Variants in SAMD4A observed in about 807,000 individuals in gnomAD.
SAMD4A encodes sterile alpha motif domain containing 4A.
SAMD4A carries 33 observed loss-of-function variants against 81.3 expected under a neutral mutation model. That is an observed-to-expected ratio of 0.41 (90% CI 0.31 to 0.54). The LOEUF (loss-of-function observed/expected upper bound fraction) is 0.54. Among genes scored for constraint, SAMD4A ranks in the 20% least tolerant of loss-of-function variants. The pLI is 0.37. For synonymous variants in SAMD4A, 389 were observed against 382.1 expected (o/e 1.02, Z -0.21); for missense variants, 854 against 951.1 (o/e 0.90, Z 1.34).
In SAMD4A at chr14:54,789,089, G is replaced by T; in HGVS notation, c.*145G>T. 1.2e-6 allele frequency: 1 copy of T among 847,178 alleles called. No individual in the cohort carries two copies. The highest frequency in any genetic ancestry group is 1.4e-5 in the South Asian group (1 of 70,476). 52.5% of individuals were successfully genotyped at this position (847,178 alleles called of 1,614,324 possible). A position where few individuals can be genotyped will look rare whatever the true frequency, so the allele number is the denominator to read the frequency against. On this transcript the variant is annotated 3_prime_UTR_variant, in exon 13 of 13. Transcript: ENST00000554335. The stretch of plus-strand genomic sequence containing the variant: ...TCCCTCTCCCGTTTTGATTTTGTGA[G>T]AGCGTAGGTCATCCTCGTAAACATA...
At chr14:54,782,876 T>C (rs985701134) in intron 11 of SAMD4A, among the ~76,000 whole-genome samples, 8 of 152,196 alleles carry the variant, frequency 5.3e-5, no homozygotes, top group African/African-American at 1.9e-4. Flanking sequence ...TCACTTCTCT[T>C]TCTTCTCTCT....
At chr14:54,626,015 GGTGTGT>G (rs71446501) in intron 2 of SAMD4A, among the ~76,000 whole-genome samples, 7,731 of 131,400 alleles carry the variant, frequency 0.059, 253 homozygotes, top group Middle Eastern at 0.085. Context: ...TCTACTGCTA[GGTGTGT>G]GTGTGTGTGT....
At chr14:54,781,068 C>G (rs2038987933) in intron 11 of SAMD4A, among the ~76,000 whole-genome samples, 1 of 152,186 alleles carries the variant, frequency 6.6e-6, no homozygotes, top group South Asian at 2.1e-4. Context: ...CCTGCTTTCT[C>G]TCCTCCTAGC....
intron 6 of SAMD4A, among the ~76,000 whole-genome samples, chr14:54,752,482 T>C (rs574380401): frequency 7.9e-5 from 12 of 152,350 alleles, no homozygotes; most frequent in African/African-American, 2.9e-4. Context: ...TTTTGGATTT[T>C]GGAAGGGAAC....
intron 2 of SAMD4A, chr14:54,687,409 G>T (rs1443358909): frequency 2.2e-6 from 1 of 455,804 alleles, no homozygotes; most frequent in East Asian, 6.9e-5. Context: ...CATTCTTGGT[G>T]TCCACAGCCC....
chr14:54,758,118 T>C (rs2038294657), intron 6 of SAMD4A, among the ~76,000 whole-genome samples: 1 of 152,196 alleles, frequency 6.6e-6, no homozygotes, highest in Non-Finnish European at 1.5e-5. Flanking sequence ...AAAAGGGACT[T>C]TCTCCCCTAA....
chr14:54,624,786 TTG>T (rs891054221), intron 2 of SAMD4A, among the ~76,000 whole-genome samples: 25 of 149,382 alleles, frequency 1.7e-4, no homozygotes, highest in African/African-American at 2.7e-4. Context: ...ATTTTTTTTT[TTG>T]TTGTTTGGAG....
intron 2 of SAMD4A, among the ~76,000 whole-genome samples, chr14:54,652,394 C>T (rs910585628): frequency 1.3e-5 from 2 of 152,194 alleles, no homozygotes; most frequent in Admixed American, 6.5e-5. Context: ...GACCAACTTG[C>T]GGCATGCCAG....
intron 2 of SAMD4A, among the ~76,000 whole-genome samples, chr14:54,664,938 C>T (rs2035725685): frequency 6.6e-6 from 1 of 151,832 alleles, no homozygotes; most frequent in Non-Finnish European, 1.5e-5. Flanking sequence ...AAAGTGAGAT[C>T]AGGTTGTAGT....
chr14:54,701,930 C>G (rs560928120), intron 2 of SAMD4A, 132 bp from the exon 3 acceptor site: 18 of 975,722 alleles, frequency 1.8e-5, no homozygotes, highest in Non-Finnish European at 2.7e-5. Context: ...ATCTGATTCA[C>G]AGGCTCTTTT....
intron 2 of SAMD4A, chr14:54,681,691 T>C (rs2036132722): frequency 3.7e-5 from 24 of 654,764 alleles, no homozygotes; most frequent in Non-Finnish European, 4.4e-5. Flanking sequence ...TTTGGCCTCC[T>C]AAAGTACTGG....
At position 54,707,247 on chromosome 14, in the gene SAMD4A, G is replaced by T. The variant is rs969696925; in HGVS notation, c.715+4667G>T. Reference sequence around the variant, plus strand: ...GCCTCTTGAGTATCTGGGACCACAGGCATGCACCACCACACCCAGATAATT... The same window carrying T: ...GCCTCTTGAGTATCTGGGACCACAGTCATGCACCACCACACCCAGATAATT... On this transcript the variant is annotated intron_variant, in intron 3 of 12. Transcript: ENST00000554335. Among the ~76,000 whole-genome samples the T allele has an allele frequency of 2.1e-4, 32 of 151,694 alleles. 1 individual carries two copies. The highest frequency in any genetic ancestry group is 7.8e-4 in the African/African-American group (32 of 41,262).
intron 2 of SAMD4A, chr14:54,694,784 C>T (rs2036536988): frequency 1.0e-6 from 1 of 985,320 alleles, no homozygotes; most frequent in Non-Finnish European, 1.2e-6. Context: ...GCTGAGATCT[C>T]AGGACTACTT....
intron 2 of SAMD4A, chr14:54,687,970 A>C: frequency 1.0e-6 from 1 of 986,118 alleles, no homozygotes; most frequent in Non-Finnish European, 1.2e-6. Flanking sequence ...CCAGCCAGAC[A>C]CTCAATAATG....
intron 2 of SAMD4A, among the ~76,000 whole-genome samples, chr14:54,613,685 T>G (rs2034421832): frequency 1.3e-5 from 2 of 152,226 alleles, no homozygotes; most frequent in South Asian, 4.1e-4. Context: ...CTTTGCAAGA[T>G]TATTTCACCT....
chr14:54,643,006 C>G lies in SAMD4A; in HGVS notation c.197-59056C>G, dbSNP rs2035208170. 2.0e-5 allele frequency among the ~76,000 whole-genome samples: 3 copies of G among 152,166 alleles called. No individual in the cohort carries two copies. In the South Asian group the frequency reaches 6.2e-4, roughly 32 times the overall value. ...CTCCCTTTCCCCAAAGGTCTCAAGG[C>G]AACTTGCTGATTCAGCTCCGTCTTT... is the stretch of plus-strand genomic sequence containing the variant. On this transcript the variant is annotated intron_variant, in intron 2 of 12. Transcript: ENST00000554335.
intron 2 of SAMD4A, chr14:54,692,881 C>CCCCT (rs2036481027): frequency 6.8e-6 from 1 of 146,208 alleles, no homozygotes; most frequent in South Asian, 2.3e-4. Flanking sequence ...TTAGTGCCCC[C>CCCCT]CCCCGCAAAA....
At position 54,737,169 on chromosome 14, in the gene SAMD4A, T is replaced by A; in HGVS notation, c.861T>A (p.Asp287Glu). The change falls in exon 4 of 13, where the codon GAT becomes GAA. Residue 287 changes from aspartate to glutamate, a missense_variant. By Grantham distance (45) the Asp-to-Glu change is conservative. Transcript: ENST00000554335. ...GAGGACCCCAGTGCCTCCCATCCGA[T>A]CATGCCCCCCTGTCTCCACAAAGCA... ...RARGPQCLPS[D>E]HAPLSPQSSV... 6.2e-7 allele frequency: 1 copy of A among 1,614,074 alleles called. No individual in the cohort carries two copies. Among genetic ancestry groups the A allele is most frequent in the African/African-American group, 1.3e-5 (1 of 74,998 alleles).
At chr14:54,775,444 T>G (rs563614510) in intron 10 of SAMD4A, among the ~76,000 whole-genome samples, 87 of 152,340 alleles carry the variant, frequency 5.7e-4, no homozygotes, top group African/African-American at 2.0e-3. Flanking sequence ...CACCCAAATC[T>G]GGGTTCCAGG....
Sources: allele counts gnomAD v4.1 joint callset (sites outside exome capture counted in the v4.1 genomes callset), GRCh38; gene constraint gnomAD v4.1.1; transcripts MANE v1.5; gene names NCBI Gene and HGNC (gene_info 2026-07-23, HGNC 2026-07-21).